The following GPHN variants were observed in gnomAD, a reference collection of about 807,000 sequenced individuals.
GPHN encodes gephyrin.
A neutral mutation model predicts 95.5 loss-of-function variants in GPHN; 17 were observed. That is an observed-to-expected ratio of 0.18 (90% CI 0.12 to 0.27). The LOEUF is 0.27. GPHN is among the 10% of genes least tolerant of loss of function. GPHN has a pLI of 1.00. For missense variants in GPHN, 660 were observed against 978.1 expected (o/e 0.67, Z 4.34); for synonymous variants, 320 against 322.5 (o/e 0.99, Z 0.08).
chr14:67,329,053 A>C, the GPHN span, among the ~76,000 whole-genome samples: 1 of 152,286 alleles, frequency 6.6e-6, no homozygotes, highest in South Asian at 2.1e-4. Flanking sequence ...CATTGAATCT[A>C]TAAATTACCT....
Position 66,805,561 on chromosome 14 carries a change from C to T in GPHN, c.202-18913C>T, listed in dbSNP as rs182468962. On this transcript the variant is annotated intron_variant, in intron 3 of 22. Coordinates refer to ENST00000478722, the MANE Select transcript of GPHN (RefSeq NM_020806.5). Reference sequence around the variant, plus strand: ...AAATCAGAAGCAACTTAGTTACTTCCTAGGTACAATGTGGGTACAGGTATT... The same window carrying T: ...AAATCAGAAGCAACTTAGTTACTTCTTAGGTACAATGTGGGTACAGGTATT... Among the ~76,000 whole-genome samples, 329 of 152,252 alleles carry T rather than the reference C, an allele frequency of 2.2e-3. 6 individuals carry two copies. The highest frequency in any genetic ancestry group is 3.5e-3 in the Admixed American group (54 of 15,290).
chr14:67,099,161 G>C (rs1387361526), intron 12 of GPHN, among the ~76,000 whole-genome samples: 2 of 150,610 alleles, frequency 1.3e-5, no homozygotes, highest in Non-Finnish European at 3.0e-5. Context: ...CCAGGCTGGA[G>C]TGCAATGGCA....
chr14:66,982,647 AC>A (rs1233206742), intron 9 of GPHN, among the ~76,000 whole-genome samples: 1 of 152,200 alleles, frequency 6.6e-6, no homozygotes, highest in Non-Finnish European at 1.5e-5. Flanking sequence ...ATTAATGATG[AC>A]ATTTTTTGTT....
intron 1 of GPHN, among the ~76,000 whole-genome samples, chr14:66,615,309 C>G (rs1404942436): frequency 6.6e-6 from 1 of 152,122 alleles, no homozygotes. Flanking sequence ...AATGGTTGAA[C>G]TGATTTACAT....
chr14:66,530,952 G>GT (rs1566553091), intron 1 of GPHN, among the ~76,000 whole-genome samples: 18 of 118,120 alleles, frequency 1.5e-4, no homozygotes, highest in African/African-American at 6.3e-4. Flanking sequence ...TTGTTTGTTA[G>GT]ATTTTTTTTT....
chr14:67,220,983 T>C, the GPHN span, among the ~76,000 whole-genome samples: 7 of 152,356 alleles, frequency 4.6e-5, no homozygotes, highest in African/African-American at 7.2e-5. Context: ...ATTTGTTTTA[T>C]TCAATACTTC....
At chr14:67,283,017 A>G in the GPHN span, among the ~76,000 whole-genome samples, 3 of 152,124 alleles carry the variant, frequency 2.0e-5, no homozygotes, top group African/African-American at 7.2e-5. Context: ...TGACTATAAA[A>G]TTGTTGTCTT....
At chr14:66,925,367 C>T (rs2066432030) in intron 8 of GPHN, among the ~76,000 whole-genome samples, 1 of 152,056 alleles carries the variant, frequency 6.6e-6, no homozygotes. Context: ...AGATCTTATC[C>T]ATTGTATCTA....
At chr14:66,825,181 G>A (rs1439511525) in intron 4 of GPHN, among the ~76,000 whole-genome samples, 1 of 152,004 alleles carries the variant, frequency 6.6e-6, no homozygotes, top group African/African-American at 2.4e-5. Flanking sequence ...ACTAATATGG[G>A]GGGGGATGTA....
the GPHN span, among the ~76,000 whole-genome samples, chr14:67,527,881 G>A: frequency 6.6e-6 from 1 of 152,186 alleles, no homozygotes; most frequent in African/African-American, 2.4e-5. Context: ...CAGACCTCTG[G>A]CCTCTTCCTG....
At chr14:66,671,890 A>T (rs1331555683) in intron 1 of GPHN, among the ~76,000 whole-genome samples, 1 of 151,994 alleles carries the variant, frequency 6.6e-6, no homozygotes, top group Non-Finnish European at 1.5e-5. Flanking sequence ...TCAAAGAATC[A>T]CCTTTTGGTT....
At chr14:67,219,266 C>G in the GPHN span, among the ~76,000 whole-genome samples, 1 of 152,158 alleles carries the variant, frequency 6.6e-6, no homozygotes, top group Non-Finnish European at 1.5e-5. Flanking sequence ...TGGTGGGGCT[C>G]TTCTGCTTAC....
chr14:67,555,191 T>C, the GPHN span, among the ~76,000 whole-genome samples: 2 of 152,248 alleles, frequency 1.3e-5, no homozygotes, highest in Admixed American at 6.5e-5. Flanking sequence ...GTGCTGGGAT[T>C]ACAGGCATGA....
intron 5 of GPHN, among the ~76,000 whole-genome samples, chr14:66,894,554 T>C (rs1428012098): frequency 6.6e-6 from 1 of 152,072 alleles, no homozygotes; most frequent in East Asian, 1.9e-4. Context: ...CAAAAGAAAC[T>C]ACCATCAGAG....
chr14:67,393,188 T>C, the GPHN span: 1 of 1,614,034 alleles, frequency 6.2e-7, no homozygotes, highest in Non-Finnish European at 8.5e-7. Context: ...CTGCTCCATG[T>C]TGGGGCTTGA....
Position 67,052,352 on chromosome 14 carries a change from A to AAAG in GPHN, c.1007-6297_1007-6296insAAG, listed in dbSNP as rs531828598. Among the ~76,000 whole-genome samples, 446 of 151,558 alleles carry AAAG rather than the reference A, an allele frequency of 2.9e-3. 3 individuals are homozygous for AAAG. The highest frequency in any genetic ancestry group is 0.01 in the African/African-American group (415 of 41,394). ...CAGACATTAAACCAAAAAAAAAAAAAGATCAAAAAAGACAAGGGCATTACA... is the reference window on the plus strand; with the variant it reads ...CAGACATTAAACCAAAAAAAAAAAAAAAGGATCAAAAAAGACAAGGGCATTACA... On this transcript the variant is annotated intron_variant, in intron 10 of 22. Transcript: ENST00000478722.
chr14:67,284,429 T>TAAAAAAAAAAAA, the GPHN span, among the ~76,000 whole-genome samples: 2 of 92,676 alleles, frequency 2.2e-5, no homozygotes, highest in Admixed American at 1.2e-4. Flanking sequence ...CCCTATCTCT[T>TAAAAAAAAAAAA]AAAAAAAAAA....
At chr14:66,902,988 A>G (rs139281598) in intron 5 of GPHN, among the ~76,000 whole-genome samples, 1,830 of 152,274 alleles carry the variant, frequency 0.012, 19 homozygotes, top group Non-Finnish European at 0.018. Flanking sequence ...CAAATAAACT[A>G]GAAAATCTAG....
intron 2 of GPHN, among the ~76,000 whole-genome samples, chr14:66,722,378 A>AT (rs1348458466): frequency 6.6e-6 from 1 of 152,200 alleles, no homozygotes; most frequent in Admixed American, 6.5e-5. Flanking sequence ...AAAGTATGTC[A>AT]TTTTAACAGA....
Sources: gnomAD v4.1 joint callset for allele counts (sites outside exome capture counted in the v4.1 genomes callset) on GRCh38, gnomAD v4.1.1 for gene constraint, MANE v1.5 for transcripts, NCBI Gene and HGNC (gene_info 2026-07-23, HGNC 2026-07-21) for gene names.